Variants in DENND5B observed in about 807,000 individuals in gnomAD.
The protein encoded by DENND5B is DENN domain-containing protein 5B.
DENND5B carries 34 observed loss-of-function variants against 140.6 expected under a neutral mutation model. The observed-to-expected ratio is 0.24, with a 90% confidence interval of 0.18 to 0.32. The LOEUF (loss-of-function observed/expected upper bound fraction) is 0.32. Ranked by LOEUF, DENND5B falls within the 10% of genes least tolerant of loss-of-function variation. The pLI is 1.00. For synonymous variants in DENND5B, 551 were observed against 562.1 expected (o/e 0.98, Z 0.28); for missense variants, 1,142 against 1,560.2 (o/e 0.73, Z 4.52).
intron 1 of DENND5B, among the ~76,000 whole-genome samples, chr12:31,519,673 G>A (rs1319525575): frequency 6.6e-6 from 1 of 152,178 alleles, no homozygotes; most frequent in Non-Finnish European, 1.5e-5. Context: ...TCTGATCACT[G>A]TAGTTCTTGA....
intron 2 of DENND5B, among the ~76,000 whole-genome samples, chr12:31,493,299 A>G (rs1052735509): frequency 6.6e-6 from 1 of 152,244 alleles, no homozygotes; most frequent in African/African-American, 2.4e-5. Context: ...TGTATGTGAA[A>G]ATAACATACA....
chr12:31,515,106 G>C (rs1458782797), intron 1 of DENND5B, among the ~76,000 whole-genome samples: 1 of 152,178 alleles, frequency 6.6e-6, no homozygotes, highest in Non-Finnish European at 1.5e-5. Flanking sequence ...CTGGGCAACA[G>C]AGTGAGACCC....
chr12:31,506,017 T>C (rs1294434058), intron 1 of DENND5B, among the ~76,000 whole-genome samples: 1 of 151,924 alleles, frequency 6.6e-6, no homozygotes, highest in African/African-American at 2.4e-5. Flanking sequence ...AAAACATTTT[T>C]GTAGAGGCAG....
At chr12:31,499,354 T>G (rs1245096046) in intron 1 of DENND5B, among the ~76,000 whole-genome samples, 1 of 152,206 alleles carries the variant, frequency 6.6e-6, no homozygotes, top group Non-Finnish European at 1.5e-5. Context: ...AAGCTGCAAT[T>G]AATCCTTTCC....
chr12:31,576,233 T>C (rs117639332), intron 1 of DENND5B, among the ~76,000 whole-genome samples: 3,182 of 151,456 alleles, frequency 0.021, 59 homozygotes, highest in South Asian at 0.052. Context: ...GAGTGGATCA[T>C]TTGAGGTCAG....
chr12:31,434,078 T>C (rs901728919), intron 7 of DENND5B, among the ~76,000 whole-genome samples: 2 of 152,244 alleles, frequency 1.3e-5, no homozygotes, highest in Non-Finnish European at 2.9e-5. Flanking sequence ...CTGTGATTCC[T>C]TTTTGCTCTA....
At chr12:31,453,917 G>C (rs1403274018) in intron 4 of DENND5B, among the ~76,000 whole-genome samples, 1 of 152,032 alleles carries the variant, frequency 6.6e-6, no homozygotes, top group African/African-American at 2.4e-5. Context: ...TGAGGCGGGA[G>C]GATGACTTGA....
At chr12:31,535,456 T>A (rs1014022751) in intron 1 of DENND5B, among the ~76,000 whole-genome samples, 5 of 151,292 alleles carry the variant, frequency 3.3e-5, no homozygotes, top group Admixed American at 6.6e-5. Flanking sequence ...ACACACACAC[T>A]CTGACTCAGT....
intron 1 of DENND5B, among the ~76,000 whole-genome samples, chr12:31,558,795 GAA>G (rs1411398486): frequency 1.3e-5 from 2 of 152,134 alleles, no homozygotes; most frequent in Non-Finnish European, 2.9e-5. Context: ...TTTAGCAAAT[GAA>G]AGTTTATTTT....
At chr12:31,402,765 G>A in intron 14 of DENND5B, 122 bp from the exon 15 acceptor site, 3 of 1,167,068 alleles carry the variant, frequency 2.6e-6, no homozygotes, top group South Asian at 1.9e-5. Flanking sequence ...CTATCAAGAT[G>A]TACTTATACG....
At chr12:31,425,385 C>T (rs755362704) in intron 9 of DENND5B, among the ~76,000 whole-genome samples, 1 of 152,212 alleles carries the variant, frequency 6.6e-6, no homozygotes, top group Non-Finnish European at 1.5e-5. Context: ...GCCACCACAA[C>T]TTGCCCTATC....
chr12:31,418,692 A>T (rs182371573), intron 11 of DENND5B, among the ~76,000 whole-genome samples: 1 of 152,330 alleles, frequency 6.6e-6, no homozygotes, highest in East Asian at 1.9e-4. Flanking sequence ...GGCGGTAAGA[A>T]ATAGGTTGAC....
chr12:31,518,294 G>A (rs1947747657), intron 1 of DENND5B, among the ~76,000 whole-genome samples: 1 of 152,302 alleles, frequency 6.6e-6, no homozygotes, highest in South Asian at 2.1e-4. Context: ...AAGAGCCTGA[G>A]CAGTCCCTCT....
chr12:31,402,788 C>T, intron 14 of DENND5B, 145 bp from the exon 15 acceptor site: 1 of 996,392 alleles, frequency 1.0e-6, no homozygotes, highest in East Asian at 2.7e-5. Context: ...AAGTTGAGAT[C>T]ATAACCTTTC....
intron 2 of DENND5B, among the ~76,000 whole-genome samples, chr12:31,494,199 T>C (rs3950503): frequency 0.28 from 29,092 of 102,438 alleles, 4,356 homozygotes; most frequent in South Asian, 0.36. Flanking sequence ...CATCCATCCA[T>C]CCACCTACCT....
At chr12:31,414,782 C>T (rs1029678363) in intron 12 of DENND5B, among the ~76,000 whole-genome samples, 17 of 151,904 alleles carry the variant, frequency 1.1e-4, no homozygotes, top group Admixed American at 4.6e-4. Flanking sequence ...ACAAAAAATT[C>T]GCCAGGAATG....
At chr12:31,482,784 C>A (rs1055728976) in intron 2 of DENND5B, among the ~76,000 whole-genome samples, 1 of 152,114 alleles carries the variant, frequency 6.6e-6, no homozygotes, top group Non-Finnish European at 1.5e-5. Context: ...GATGTAACAG[C>A]CTGTTTCTGC....
intron 1 of DENND5B, among the ~76,000 whole-genome samples, chr12:31,559,236 C>G (rs79924134): frequency 5.6e-4 from 85 of 152,276 alleles, no homozygotes; most frequent in African/African-American, 1.8e-3. Context: ...AAGCTACCCT[C>G]CCTAAGTTAT....
chr12:31,396,653 T>G (rs1244118944), intron 17 of DENND5B, among the ~76,000 whole-genome samples: 1 of 152,062 alleles, frequency 6.6e-6, no homozygotes, highest in Non-Finnish European at 1.5e-5. Context: ...AGTGTCACTC[T>G]GTCACTCAAG....
Sources: allele counts gnomAD v4.1 joint callset (sites outside exome capture counted in the v4.1 genomes callset), GRCh38; gene constraint gnomAD v4.1.1; transcripts MANE v1.5; gene names NCBI Gene and HGNC (gene_info 2026-07-23, HGNC 2026-07-21).